The following SHROOM4 variants were observed in gnomAD, a reference collection of about 807,000 sequenced individuals.
SHROOM4 encodes the protein shroom family member 4.
In SHROOM4, 17 loss-of-function variants were observed where a neutral mutation model predicts 80.3. The observed-to-expected ratio is 0.21, with a 90% confidence interval of 0.14 to 0.32. The LOEUF is 0.32. Among genes scored for constraint, SHROOM4 ranks in the 10% least tolerant of loss-of-function variants. SHROOM4 has a pLI of 1.00. For missense variants in SHROOM4, 993 were observed against 1,140.3 expected (o/e 0.87, Z 1.86); for synonymous variants, 400 against 437.5 (o/e 0.91, Z 1.07).
chrX:50,716,382 A>G (rs1354604082), intron 1 of SHROOM4, among the ~76,000 whole-genome samples: 1 of 111,777 alleles, frequency 8.9e-6, no homozygotes, highest in Non-Finnish European at 1.9e-5. Context: ...TATGTGAGGT[A>G]ATGTATATTT....
chrX:50,671,874 C>T (rs781785578), intron 2 of SHROOM4, among the ~76,000 whole-genome samples: 1 of 113,027 alleles, frequency 8.8e-6, no homozygotes, highest in African/African-American at 3.2e-5. Flanking sequence ...CCCATCTTGG[C>T]TTTTCACATG....
At chrX:50,656,220 T>C (rs1932303263) in intron 2 of SHROOM4, among the ~76,000 whole-genome samples, 1 of 111,955 alleles carries the variant, frequency 8.9e-6, no homozygotes, top group South Asian at 3.7e-4. Flanking sequence ...CTCTTTACTC[T>C]GTGGATTGTT....
downstream of SHROOM4, among the ~76,000 whole-genome samples, chrX:50,584,071 A>G (rs1928713389): frequency 8.9e-6 from 1 of 112,061 alleles, no homozygotes; most frequent in Admixed American, 9.5e-5. Flanking sequence ...GACTTCCAAA[A>G]GGAGAAACAT....
chrX:50,576,625 G>C, the SHROOM4 span, among the ~76,000 whole-genome samples: 1 of 111,533 alleles, frequency 9.0e-6, no homozygotes, highest in African/African-American at 3.3e-5. Context: ...GTGTGTTTGT[G>C]TGTGTGTGTT....
chrX:50,642,836 A>C (rs1557257400), intron 2 of SHROOM4, among the ~76,000 whole-genome samples: 1 of 111,998 alleles, frequency 8.9e-6, no homozygotes, highest in African/African-American at 3.2e-5. Context: ...CGCCAAGAGC[A>C]CATAGCTAAT....
chrX:50,787,225 G>GAAA (rs57368668), intron 1 of SHROOM4, among the ~76,000 whole-genome samples: 1 of 82,354 alleles, frequency 1.2e-5, no homozygotes. Flanking sequence ...TCTCAAAAAA[G>GAAA]AAAAAAAAAA....
chrX:50,678,859 A>G (rs958857525), intron 2 of SHROOM4, among the ~76,000 whole-genome samples: 3 of 110,257 alleles, frequency 2.7e-5, no homozygotes, highest in African/African-American at 6.6e-5. Flanking sequence ...CCTCTCCCCA[A>G]TTTACCCCCT....
intron 2 of SHROOM4, among the ~76,000 whole-genome samples, chrX:50,650,604 C>G (rs1239049704): frequency 9.0e-6 from 1 of 110,717 alleles, no homozygotes; most frequent in African/African-American, 3.3e-5. Flanking sequence ...GTGATCCGCC[C>G]ACCTCGATCT....
intron 2 of SHROOM4, among the ~76,000 whole-genome samples, chrX:50,660,913 A>C (rs1932487411): frequency 9.1e-6 from 1 of 110,064 alleles, no homozygotes. Context: ...CACTGTGCCA[A>C]CAGAGTATCT....
At chrX:50,690,031 T>A (rs1349596014) in intron 2 of SHROOM4, among the ~76,000 whole-genome samples, 1 of 111,810 alleles carries the variant, frequency 8.9e-6, no homozygotes, top group Non-Finnish European at 1.9e-5. Context: ...TTCTAGAAAA[T>A]TTGAAGGAAT....
chrX:50,607,236 T>TA, intron 6 of SHROOM4, 145 bp downstream of exon 6: 1 of 538,449 alleles, frequency 1.9e-6, no homozygotes, highest in Non-Finnish European at 3.2e-6. Flanking sequence ...AGTATCATTA[T>TA]ACCCATTTTC....
intron 2 of SHROOM4, among the ~76,000 whole-genome samples, chrX:50,657,262 T>G (rs1273547880): frequency 9.0e-6 from 1 of 111,500 alleles, no homozygotes; most frequent in Non-Finnish European, 1.9e-5. Flanking sequence ...CTTGCCTAAT[T>G]GCTCTGGTAG....
Position 50,668,975 on chromosome X carries a change from A to G in SHROOM4, c.269+26811T>C, listed in dbSNP as rs782594601. 5.3e-5 allele frequency among the ~76,000 whole-genome samples: 6 copies of G among 112,966 alleles called. No individual in the cohort carries two copies. In the South Asian group the frequency reaches 2.2e-3, roughly 41 times the overall value. Reference sequence around the variant, plus strand: ...TGCATATAAAAGTTATGTTTACACTACACTGTAGTCTATTAAGTGTAGAAT... The same window carrying G: ...TGCATATAAAAGTTATGTTTACACTGCACTGTAGTCTATTAAGTGTAGAAT... On this transcript the variant is annotated intron_variant, in intron 2 of 8. Coordinates refer to ENST00000376020, the MANE Select transcript of SHROOM4 (RefSeq NM_020717.5).
At chrX:50,651,071 G>C (rs1488354531) in intron 2 of SHROOM4, among the ~76,000 whole-genome samples, 1 of 111,379 alleles carries the variant, frequency 9.0e-6, no homozygotes, top group African/African-American at 3.3e-5. Context: ...TCAAGGCCAT[G>C]CCCAGTGTGT....
intron 1 of SHROOM4, 152 bp downstream of exon 1, chrX:50,813,750 G>A: frequency 4.3e-6 from 2 of 463,586 alleles, no homozygotes; most frequent in Non-Finnish European, 7.8e-6. Flanking sequence ...CACCTGGACT[G>A]GTGGCAAGAC....
At chrX:50,806,623 CA>C (rs1342118130) in intron 1 of SHROOM4, among the ~76,000 whole-genome samples, 2 of 112,115 alleles carry the variant, frequency 1.8e-5, no homozygotes, top group African/African-American at 6.5e-5. Context: ...CAGGGAGCAC[CA>C]GGAGACAAAA....
At chrX:50,802,245 T>C (rs1936139767) in intron 1 of SHROOM4, among the ~76,000 whole-genome samples, 1 of 112,151 alleles carries the variant, frequency 8.9e-6, no homozygotes, top group East Asian at 2.8e-4. Context: ...AATTAACTCG[T>C]TTCCACAACA....
chrX:50,696,332 C>T (rs1241369339), intron 1 of SHROOM4, among the ~76,000 whole-genome samples: 1 of 111,774 alleles, frequency 8.9e-6, no homozygotes, highest in Non-Finnish European at 1.9e-5. Flanking sequence ...AAGCTCTTTC[C>T]TATCTTTGGG....
intron 1 of SHROOM4, among the ~76,000 whole-genome samples, chrX:50,727,877 G>A (rs1216177073): frequency 8.9e-6 from 1 of 112,157 alleles, no homozygotes; most frequent in East Asian, 2.8e-4. Flanking sequence ...ATGATCCACA[G>A]CTTCTGCCCA....
Sources: allele counts gnomAD v4.1 joint callset (sites outside exome capture counted in the v4.1 genomes callset), GRCh38; gene constraint gnomAD v4.1.1; transcripts MANE v1.5; gene names NCBI Gene and HGNC (gene_info 2026-07-23, HGNC 2026-07-21).